The following MCU variants were observed in gnomAD, a reference collection of about 807,000 sequenced individuals.
MCU encodes the protein calcium uniporter protein, mitochondrial.
A neutral mutation model predicts 45.2 loss-of-function variants in MCU; 12 were observed. The observed-to-expected ratio is 0.27, with a 90% CI of 0.17 to 0.43. The LOEUF is 0.43. MCU is among the 20% of genes least tolerant of loss of function. MCU has a pLI of 1.00. For synonymous variants in MCU, 160 were observed against 165.1 expected (o/e 0.97, Z 0.24); for missense variants, 324 against 436.7 (o/e 0.74, Z 2.30).
At chr10:72,767,647 C>G (rs1347083971) in intron 1 of MCU, among the ~76,000 whole-genome samples, 1 of 151,958 alleles carries the variant, frequency 6.6e-6, no homozygotes, top group African/African-American at 2.4e-5. Context: ...TGCGCCTGAC[C>G]CATTTCAGCT....
At chr10:72,758,262 A>G (rs1447670030) in intron 1 of MCU, among the ~76,000 whole-genome samples, 1 of 152,202 alleles carries the variant, frequency 6.6e-6, no homozygotes, top group Non-Finnish European at 1.5e-5. Flanking sequence ...TTGGCCTCAA[A>G]CACCTGAGCT....
chr10:72,876,082 A>T (rs868097937), intron 6 of MCU, among the ~76,000 whole-genome samples: 26 of 152,216 alleles, frequency 1.7e-4, no homozygotes, highest in Admixed American at 3.9e-4. Flanking sequence ...GTGTTGATAA[A>T]TAGTGACCTA....
chr10:72,862,873 A>G (rs1845399976), intron 4 of MCU, among the ~76,000 whole-genome samples: 1 of 151,980 alleles, frequency 6.6e-6, no homozygotes, highest in East Asian at 1.9e-4. Flanking sequence ...AGCCTGGGCA[A>G]CACAGTAGCA....
At chr10:72,878,174 A>C (rs1260157993) in intron 6 of MCU, among the ~76,000 whole-genome samples, 1 of 133,294 alleles carries the variant, frequency 7.5e-6, no homozygotes, top group East Asian at 2.1e-4. Context: ...GTTGGAGTAC[A>C]GTGGCACAAT....
intron 1 of MCU, among the ~76,000 whole-genome samples, chr10:72,754,329 GT>G (rs1843544359): frequency 6.6e-6 from 1 of 152,158 alleles, no homozygotes; most frequent in South Asian, 2.1e-4. Context: ...GTCTATTTGA[GT>G]CCGGAGCTTA....
intron 2 of MCU, among the ~76,000 whole-genome samples, chr10:72,845,981 T>G (rs1486278187): frequency 2.6e-5 from 4 of 152,208 alleles, no homozygotes; most frequent in Non-Finnish European, 5.9e-5. Flanking sequence ...GGCTTCACTT[T>G]CCATAGTTTC....
At chr10:72,692,448 C>A in intron 1 of MCU, 147 bp downstream of exon 1, 1 of 866,668 alleles carries the variant, frequency 1.2e-6, no homozygotes, top group Non-Finnish European at 1.4e-6. Flanking sequence ...AGCCGCCGTG[C>A]CCTTCAGGCG....
chr10:72,787,302 T>C (rs1178364746), intron 1 of MCU, among the ~76,000 whole-genome samples: 1 of 152,270 alleles, frequency 6.6e-6, no homozygotes, highest in Non-Finnish European at 1.5e-5. Context: ...AGAATCTCGC[T>C]CTGTCGCCCA....
In MCU at chr10:72,722,418, A is replaced by G. The variant is rs370626336; in HGVS notation, c.150+30117A>G. The stretch of plus-strand genomic sequence containing the variant: ...GCTGTTTCTTTTTCTTTTCTGTTTT[A>G]TTAAGGAACTTTAACCTCCCGCTTG... On this transcript the variant is annotated intron_variant, in intron 1 of 7. Coordinates refer to ENST00000373053, the MANE Select transcript of MCU (RefSeq NM_138357.3). Among the ~76,000 whole-genome samples the G allele has an allele frequency of 4.6e-5, 6 of 131,112 alleles. No individual in the cohort carries two copies. In the South Asian group the frequency reaches 1.1e-3, roughly 23 times the overall value. The allele number at this position is 131,112 out of a possible 152,430, so 86.0% of individuals were successfully genotyped here.
chr10:72,743,168 G>A (rs1843359959), intron 1 of MCU, among the ~76,000 whole-genome samples: 2 of 151,998 alleles, frequency 1.3e-5, no homozygotes, highest in African/African-American at 2.4e-5. Flanking sequence ...CGGCACTTTG[G>A]GAGGCTGAGG....
chr10:72,875,584 C>T (rs1461955177), intron 6 of MCU, among the ~76,000 whole-genome samples: 1 of 152,164 alleles, frequency 6.6e-6, no homozygotes, highest in East Asian at 1.9e-4. Context: ...CATCTTATTA[C>T]CTCTGAAGCA....
chr10:72,724,068 A>G (rs564398719), intron 1 of MCU, among the ~76,000 whole-genome samples: 6 of 152,362 alleles, frequency 3.9e-5, no homozygotes, highest in Non-Finnish European at 8.8e-5. Flanking sequence ...TCTTTAATAT[A>G]GTTATGTAGA....
At chr10:72,868,488 GC>G (rs2132881368) in intron 4 of MCU, among the ~76,000 whole-genome samples, 1 of 151,608 alleles carries the variant, frequency 6.6e-6, no homozygotes, top group Non-Finnish European at 1.5e-5. Flanking sequence ...GGAGGTAGGG[GC>G]TGCAGTGAGC....
intron 6 of MCU, among the ~76,000 whole-genome samples, chr10:72,882,249 A>T (rs1177026905): frequency 1.3e-5 from 2 of 152,178 alleles, no homozygotes; most frequent in African/African-American, 2.4e-5. Context: ...TTAACTGCAC[A>T]AATTGTAGAG....
chr10:72,887,144 T>C lies in MCU; in HGVS notation c.*1322T>C, dbSNP rs1401191508. The C allele has an allele frequency of 2.0e-5, 3 of 152,548 alleles. No homozygotes were observed. The highest frequency in any genetic ancestry group is 4.4e-5 in the Non-Finnish European group (3 of 68,074). 9.4% of individuals were successfully genotyped at this position (152,548 alleles called of 1,614,324 possible). ...ATGATGGGGGCTGCCACACCACTGA[T>C]TGGCCTTTTCTTTCACGTGATTCAT... On this transcript the variant is annotated 3_prime_UTR_variant, in exon 8 of 8. Transcript: ENST00000373053.
At chr10:72,756,136 C>A (rs1843573232) in intron 1 of MCU, among the ~76,000 whole-genome samples, 1 of 152,108 alleles carries the variant, frequency 6.6e-6, no homozygotes, top group South Asian at 2.1e-4. Context: ...CAGGTGTGAA[C>A]CACCACACCT....
At chr10:72,723,750 A>G (rs997368332) in intron 1 of MCU, among the ~76,000 whole-genome samples, 1 of 152,158 alleles carries the variant, frequency 6.6e-6, no homozygotes, top group Non-Finnish European at 1.5e-5. Flanking sequence ...AAATATATAT[A>G]TTTTTTGGTA....
intron 1 of MCU, among the ~76,000 whole-genome samples, chr10:72,719,393 A>G (rs1180916480): frequency 1.3e-5 from 2 of 152,224 alleles, no homozygotes; most frequent in African/African-American, 2.4e-5. Flanking sequence ...TGCCCCAAAG[A>G]AGGACATCTT....
chr10:72,884,344 C>A lies in MCU; in HGVS notation c.940C>A (p.Leu314Ile), dbSNP rs772417499. 1 of 1,611,060 alleles carries A rather than the reference C, an allele frequency of 6.2e-7. No homozygotes were observed. The highest frequency in any genetic ancestry group is 1.3e-5 in the African/African-American group (1 of 74,798). Residue 314 changes from leucine (L) to isoleucine (I), a missense_variant, in exon 7 of 8, where the codon CTA becomes ATA. Around this residue, in one of 4 missense-constraint regions of MCU, gnomAD observed 76 missense variants for 99.4 expected, o/e 0.76. Coordinates refer to ENST00000373053, the MANE Select transcript of MCU (RefSeq NM_138357.3). Reference protein sequence around the residue: ...HKGAKKSRFDLEKYNQLKDAI... With the variant: ...HKGAKKSRFDIEKYNQLKDAI... ...AGGAGCCAAAAAGTCACGTTTTGAC[C>A]TAGAGAAATACAATCAACTCAAGGA...
Sources: gnomAD v4.1 joint callset for allele counts (sites outside exome capture counted in the v4.1 genomes callset) on GRCh38, gnomAD v4.1.1 for gene constraint, gnomAD v4.1.1 regional missense constraint, MANE v1.5 for transcripts, NCBI Gene and HGNC (gene_info 2026-07-23, HGNC 2026-07-21) for gene names.